SLIT3: variants seen among roughly 807,000 people sequenced by gnomAD.
SLIT3 encodes slit guidance ligand 3.
In SLIT3, 68 loss-of-function variants were observed where a neutral mutation model predicts 184.0. That is an observed-to-expected ratio of 0.37 (90% CI 0.30 to 0.45). The LOEUF is 0.45. Among genes scored for constraint, SLIT3 ranks in the 20% least tolerant of loss-of-function variants. The pLI is 1.00. For synonymous variants in SLIT3, 831 were observed against 828.6 expected (o/e 1.00, Z -0.05); for missense variants, 1,707 against 2,026.0 (o/e 0.84, Z 3.02).
At chr5:169,132,640 G>A (rs1256713014) in intron 4 of SLIT3, among the ~76,000 whole-genome samples, 1 of 152,142 alleles carries the variant, frequency 6.6e-6, no homozygotes, top group Non-Finnish European at 1.5e-5. Context: ...GCAGGAACCA[G>A]GACTTCTCAA....
chr5:169,198,285 C>T (rs1277538364), intron 3 of SLIT3, among the ~76,000 whole-genome samples: 1 of 152,208 alleles, frequency 6.6e-6, no homozygotes, highest in Admixed American at 6.5e-5. Context: ...CAGCAGCTAA[C>T]CCAGTCCTTG....
At chr5:168,960,486 C>G (rs1376323798) in intron 4 of SLIT3, among the ~76,000 whole-genome samples, 1 of 152,142 alleles carries the variant, frequency 6.6e-6, no homozygotes, top group Non-Finnish European at 1.5e-5. Context: ...AGCTCAGGCT[C>G]TAGGATTATA....
intron 4 of SLIT3, among the ~76,000 whole-genome samples, chr5:169,100,541 C>T (rs1489323506): frequency 6.6e-6 from 1 of 152,174 alleles, no homozygotes; most frequent in African/African-American, 2.4e-5. Context: ...CACTTAGGCT[C>T]AGGAGAGATT....
At chr5:169,026,574 T>C (rs1246977003) in intron 4 of SLIT3, 1 of 148,646 alleles carries the variant, frequency 6.7e-6, no homozygotes, top group South Asian at 2.1e-4. Context: ...AAGATGCCCA[T>C]GATGTATTGT....
At position 168,702,673 on chromosome 5, in the gene SLIT3, AGCG is replaced by A. The variant is rs200190813; in HGVS notation, c.2845-1997_2845-1995del. On this transcript the variant is annotated intron_variant, in intron 26 of 35. Coordinates refer to ENST00000519560, the MANE Select transcript of SLIT3 (RefSeq NM_003062.4). ...ATGTAATGGCAGCTCCATAAATAAT[AGCG>A]ATGATGATGATGATGATGATGATGA... Among the ~76,000 whole-genome samples the A allele has an allele frequency of 6.0e-3, 674 of 113,184 alleles. 4 individuals carry two copies. The highest frequency in any genetic ancestry group is 0.025 in the African/African-American group (636 of 25,138). The allele number at this position is 113,184 out of a possible 152,430, so 74.3% of individuals were successfully genotyped here.
chr5:169,285,316 T>C (rs750585), intron 1 of SLIT3, among the ~76,000 whole-genome samples: 12,562 of 152,260 alleles, frequency 0.083, 647 homozygotes, highest in East Asian at 0.29. Context: ...TTTGAAAATA[T>C]GTTGATTTTG....
Position 168,762,670 on chromosome 5 carries a change from G to T in SLIT3, c.1479C>A (p.Ser493Arg), listed in dbSNP as rs573099201. The T allele has an allele frequency of 1.2e-6, 2 of 1,613,956 alleles. No homozygotes were observed. The highest frequency in any genetic ancestry group is 4.5e-5 in the East Asian group (2 of 44,866). The change falls in exon 15 of 36, where the codon AGC (serine) becomes AGA (arginine). Residue 493 changes from serine to arginine, a missense_variant. Physicochemically the swap from Ser to Arg is moderately radical, Grantham distance 110. Transcript: ENST00000519560. ...FRCSGSEDYRSRFSSECFMDL... is the reference protein window; with the variant it reads ...FRCSGSEDYRRRFSSECFMDL... ...CCATGAAGCACTCGCTGCTGAACCTGCTGCGGTAATCCTCGGAGCCTGGGA... is the reference window on the plus strand; with the variant it reads ...CCATGAAGCACTCGCTGCTGAACCTTCTGCGGTAATCCTCGGAGCCTGGGA...
chr5:169,257,533 CTTTTTTTTTTTTTTTTTT>C (rs1157258489), intron 1 of SLIT3, among the ~76,000 whole-genome samples: 21 of 80,908 alleles, frequency 2.6e-4, no homozygotes, highest in African/African-American at 1.0e-3. Flanking sequence ...TCTATGCCTC[CTTTTTTTTTTTTTTTTTT>C]TTTTTTTTTT....
chr5:169,216,478 A>T (rs747280678), intron 3 of SLIT3, among the ~76,000 whole-genome samples: 1 of 152,216 alleles, frequency 6.6e-6, no homozygotes, highest in Non-Finnish European at 1.5e-5. Context: ...AGAAAAATCC[A>T]AGAGATGAGA....
At chr5:169,028,011 G>A (rs111877337) in intron 4 of SLIT3, among the ~76,000 whole-genome samples, 18 of 152,158 alleles carry the variant, frequency 1.2e-4, no homozygotes, top group African/African-American at 4.3e-4. Context: ...AGCTGAGACG[G>A]GCTGCTTCCT....
At chr5:169,015,792 G>A (rs1756339381) in intron 4 of SLIT3, among the ~76,000 whole-genome samples, 1 of 151,998 alleles carries the variant, frequency 6.6e-6, no homozygotes, top group Non-Finnish European at 1.5e-5. Context: ...AAATTAGCCA[G>A]GTGTGGTGGT....
At chr5:169,287,852 A>G (rs1767211095) in intron 1 of SLIT3, among the ~76,000 whole-genome samples, 1 of 152,180 alleles carries the variant, frequency 6.6e-6, no homozygotes, top group African/African-American at 2.4e-5. Context: ...TGACACAGCC[A>G]CAGCATAGGT....
At chr5:169,033,169 T>G (rs1757102468) in intron 4 of SLIT3, among the ~76,000 whole-genome samples, 1 of 152,118 alleles carries the variant, frequency 6.6e-6, no homozygotes, top group Admixed American at 6.5e-5. Flanking sequence ...TGTTTGTTTG[T>G]TTGTTTTTAG....
At chr5:169,075,659 T>G (rs1253835518) in intron 4 of SLIT3, among the ~76,000 whole-genome samples, 1 of 152,206 alleles carries the variant, frequency 6.6e-6, no homozygotes, top group Non-Finnish European at 1.5e-5. Context: ...AAAGAGAGAC[T>G]TGGCTTCTTA....
chr5:169,084,454 A>ATTTTTTTT (rs56062027), intron 4 of SLIT3, among the ~76,000 whole-genome samples: 77 of 101,400 alleles, frequency 7.6e-4, no homozygotes, highest in African/African-American at 1.4e-3. Context: ...CCATGCCCAG[A>ATTTTTTTT]TTTTTTTTTT....
chr5:168,971,859 C>T (rs1158720434), intron 4 of SLIT3, among the ~76,000 whole-genome samples: 1 of 152,232 alleles, frequency 6.6e-6, no homozygotes, highest in Non-Finnish European at 1.5e-5. Context: ...GAGCTACCAC[C>T]TTTTAGGCTC....
chr5:168,734,417 G>C (rs1297052172), intron 20 of SLIT3, among the ~76,000 whole-genome samples: 1 of 152,098 alleles, frequency 6.6e-6, no homozygotes, highest in African/African-American at 2.4e-5. Flanking sequence ...CCCCTCTGGT[G>C]GGGGGCAGGT....
intron 3 of SLIT3, among the ~76,000 whole-genome samples, chr5:169,195,525 ACT>A (rs1040172829): frequency 2.6e-5 from 4 of 151,874 alleles, no homozygotes; most frequent in Non-Finnish European, 4.4e-5. Context: ...ACTGGGGCTG[ACT>A]CTTGTTTTGT....
At chr5:169,081,826 A>G (rs1409241281) in intron 4 of SLIT3, among the ~76,000 whole-genome samples, 1 of 152,154 alleles carries the variant, frequency 6.6e-6, no homozygotes, top group Non-Finnish European at 1.5e-5. Context: ...TCTTACATAC[A>G]CCGTCTCACT....
Sources: allele counts gnomAD v4.1 joint callset (sites outside exome capture counted in the v4.1 genomes callset), GRCh38; gene constraint gnomAD v4.1.1; transcripts MANE v1.5; gene names NCBI Gene and HGNC (gene_info 2026-07-23, HGNC 2026-07-21).